Variants in VPS35L observed in about 807,000 individuals in gnomAD.
VPS35L encodes VPS35 endosomal protein sorting factor like, also known as VPS35 endosomal protein-sorting factor-like.
Under a neutral mutation model 133.0 loss-of-function variants are expected in VPS35L, and 83 were observed. That is an observed-to-expected ratio of 0.62 (90% CI 0.52 to 0.75). The LOEUF (loss-of-function observed/expected upper bound fraction) is 0.75. Ranked by LOEUF, VPS35L falls within the 30% of genes least tolerant of loss-of-function variation. The pLI is 0.00. For synonymous variants in VPS35L, 423 were observed against 449.9 expected, an observed-to-expected ratio of 0.94 and a Z score of 0.76; for missense variants, 1,083 against 1,206.8, an observed-to-expected ratio of 0.90 and a Z score of 1.52.
intron 6 of VPS35L, among the ~76,000 whole-genome samples, chr16:19,581,223 G>T (rs1971698854): frequency 6.6e-6 from 1 of 151,762 alleles, no homozygotes; most frequent in South Asian, 2.1e-4. Flanking sequence ...CACAGATGAG[G>T]CTGTGAGAGG....
intron 2 of VPS35L, among the ~76,000 whole-genome samples, chr16:19,565,338 C>G (rs1045662323): frequency 6.6e-6 from 1 of 150,586 alleles, no homozygotes; most frequent in Non-Finnish European, 1.5e-5. Context: ...TGTGGGCCAC[C>G]GTGCCCAGCC....
chr16:19,612,740 A>G (rs1257463896), intron 12 of VPS35L, among the ~76,000 whole-genome samples: 1 of 152,130 alleles, frequency 6.6e-6, no homozygotes, highest in Non-Finnish European at 1.5e-5. Context: ...GGAAGTATGT[A>G]TTTTTTGCAA....
intron 7 of VPS35L, among the ~76,000 whole-genome samples, chr16:19,588,139 T>C (rs532838567): frequency 6.8e-6 from 1 of 146,180 alleles, no homozygotes; most frequent in Non-Finnish European, 1.5e-5. Context: ...TTATAGCAAG[T>C]TTGAAACTGG....
intron 26 of VPS35L, among the ~76,000 whole-genome samples, chr16:19,667,887 G>A (rs1371927343): frequency 6.6e-6 from 1 of 152,040 alleles, no homozygotes; most frequent in Non-Finnish European, 1.5e-5. Flanking sequence ...TCACAGTTGG[G>A]GCTTAATAAA....
chr16:19,598,830 A>T (rs13336167), intron 8 of VPS35L, among the ~76,000 whole-genome samples: 4,855 of 151,430 alleles, frequency 0.032, 259 homozygotes, highest in African/African-American at 0.11. Context: ...AATTTTTTTT[A>T]AAAAAAAGAA....
intron 5 of VPS35L, among the ~76,000 whole-genome samples, chr16:19,576,135 C>T (rs948849429): frequency 2.8e-5 from 4 of 142,634 alleles, no homozygotes; most frequent in African/African-American, 1.1e-4. Flanking sequence ...CATTGCATTC[C>T]ATTCTGGGTG....
intron 12 of VPS35L, among the ~76,000 whole-genome samples, chr16:19,614,939 T>A (rs1972837766): frequency 6.6e-6 from 1 of 152,224 alleles, no homozygotes; most frequent in African/African-American, 2.4e-5. Flanking sequence ...CAGGACCCAG[T>A]GGATTATAGC....
chr16:19,664,561 A>T (rs1974597444), intron 26 of VPS35L, among the ~76,000 whole-genome samples: 1 of 151,362 alleles, frequency 6.6e-6, no homozygotes, highest in Non-Finnish European at 1.5e-5. Flanking sequence ...GTTCTGAGAT[A>T]CTGGAAATAT....
chr16:19,598,657 G>A (rs541019690), intron 8 of VPS35L, among the ~76,000 whole-genome samples: 5 of 152,010 alleles, frequency 3.3e-5, no homozygotes, highest in Admixed American at 3.3e-4. Flanking sequence ...GGTGGTGTGC[G>A]CCTGTGGTCC....
At chr16:19,565,545 G>A (rs1176941598) in intron 2 of VPS35L, among the ~76,000 whole-genome samples, 4 of 152,134 alleles carry the variant, frequency 2.6e-5, no homozygotes, top group African/African-American at 4.8e-5. Flanking sequence ...TAGAGACAGG[G>A]TTTCGCCATG....
At chr16:19,590,054 G>C (rs1408913450) in intron 7 of VPS35L, among the ~76,000 whole-genome samples, 2 of 151,806 alleles carry the variant, frequency 1.3e-5, no homozygotes, top group African/African-American at 2.4e-5. Context: ...CGCAGAGCGA[G>C]GTGTCAGGAA....
chr16:19,679,100 G>A (rs774827972), intron 27 of VPS35L, among the ~76,000 whole-genome samples: 1 of 128,760 alleles, frequency 7.8e-6, no homozygotes, highest in Non-Finnish European at 1.6e-5. Flanking sequence ...GAACCGAATA[G>A]CCTAGTTAAA....
chr16:19,653,124 C>A (rs1371180234), intron 26 of VPS35L, among the ~76,000 whole-genome samples: 2 of 152,190 alleles, frequency 1.3e-5, no homozygotes, highest in Non-Finnish European at 2.9e-5. Context: ...CCTTTATTCT[C>A]ATCTGTCATT....
chr16:19,616,205 A>G lies in VPS35L; in HGVS notation c.1101+14A>G, dbSNP rs376441307. The G allele has an allele frequency of 2.0e-5, 32 of 1,590,360 alleles. No individual in the cohort carries two copies. Among genetic ancestry groups the G allele is most frequent in the South Asian group, 1.3e-4 (12 of 90,360 alleles). On this transcript the variant is annotated intron_variant, in intron 13 of 30. Coordinates refer to ENST00000417362, the MANE Select transcript of VPS35L (RefSeq NM_020314.7). Reference sequence around the variant, plus strand: ...ACGTTCAAACAGGTAAGAGAACACTATCAGAATAGCTCATCGATATAACAG... The same window carrying G: ...ACGTTCAAACAGGTAAGAGAACACTGTCAGAATAGCTCATCGATATAACAG...
intron 15 of VPS35L, among the ~76,000 whole-genome samples, chr16:19,626,888 TA>T (rs956384615): frequency 2.0e-4 from 30 of 150,604 alleles, no homozygotes; most frequent in African/African-American, 7.5e-4. Context: ...GCTTTCCTTT[TA>T]GTGGTAGATA....
At position 19,647,675 on chromosome 16, in the gene VPS35L, C is replaced by G. The variant is rs1372766058; in HGVS notation, c.1930-109C>G. 10 of 864,488 alleles carry G rather than the reference C, an allele frequency of 1.2e-5. No homozygotes were observed. In the African/African-American group the frequency reaches 1.7e-4, roughly 14 times the overall value. The allele number at this position is 864,488 out of a possible 1,614,324, so 53.6% of individuals were successfully genotyped here. A position where few individuals can be genotyped will look rare whatever the true frequency, so the allele number is the denominator to read the frequency against. Reference sequence around the variant, plus strand: ...GACTTCTTAGGTTCTAGTCCAGTGCCCACGTCATAAAGATGAGGTGGCAAT... The same window carrying G: ...GACTTCTTAGGTTCTAGTCCAGTGCGCACGTCATAAAGATGAGGTGGCAAT... On this transcript the variant is annotated intron_variant, in intron 23 of 30. Coordinates refer to ENST00000417362, the MANE Select transcript of VPS35L (RefSeq NM_020314.7).
chr16:19,572,065 G>A (rs142712031), intron 3 of VPS35L, among the ~76,000 whole-genome samples: 11 of 152,090 alleles, frequency 7.2e-5, no homozygotes, highest in African/African-American at 2.4e-4. Context: ...CATGTGTCTC[G>A]AACACACACA....
chr16:19,693,255 A>C (rs1288827347), intron 29 of VPS35L, among the ~76,000 whole-genome samples: 1 of 151,710 alleles, frequency 6.6e-6, no homozygotes, highest in African/African-American at 2.4e-5. Context: ...TTGATACCAG[A>C]GGCTGGGAAG....
intron 12 of VPS35L, among the ~76,000 whole-genome samples, chr16:19,615,855 T>C (rs1462011751): frequency 1.3e-5 from 2 of 151,728 alleles, no homozygotes; most frequent in Non-Finnish European, 2.9e-5. Context: ...TAATTCCAGC[T>C]ACTCGGGAGG....
Sources: gnomAD v4.1 joint callset for allele counts (sites outside exome capture counted in the v4.1 genomes callset) on GRCh38, gnomAD v4.1.1 for gene constraint, MANE v1.5 for transcripts, NCBI Gene and HGNC (gene_info 2026-07-23, HGNC 2026-07-21) for gene names.